Variants in GRIN2B observed in about 807,000 individuals in gnomAD.
The protein encoded by GRIN2B is glutamate ionotropic receptor NMDA type subunit 2B.
Under a neutral mutation model 114.5 loss-of-function variants are expected in GRIN2B, and 5 were observed. The ratio of observed to expected loss-of-function variants is 0.04; its 90% CI spans 0.02 to 0.09. The LOEUF (loss-of-function observed/expected upper bound fraction) is 0.09, where lower values mean the gene tolerates loss of function less well. GRIN2B is among the 10% of genes least tolerant of loss of function. The probability of loss-of-function intolerance (pLI) is 1.00; values close to 1 mark genes in which losing one functional copy is unlikely to be tolerated. For missense variants in GRIN2B, 1,108 were observed against 1,943.5 expected, an observed-to-expected ratio of 0.57 and a Z score of 8.08; for synonymous variants, 787 against 745.1, an observed-to-expected ratio of 1.06 and a Z score of -0.92.
intron 5 of GRIN2B, among the ~76,000 whole-genome samples, chr12:13,617,987 G>A (rs542415168): frequency 5.3e-5 from 8 of 152,216 alleles, no homozygotes; most frequent in Non-Finnish European, 1.2e-4. Context: ...CACAGTCCTT[G>A]TTTGGCTGAT....
At chr12:13,939,176 A>G (rs1241475670) in intron 2 of GRIN2B, among the ~76,000 whole-genome samples, 1 of 152,186 alleles carries the variant, frequency 6.6e-6, no homozygotes, top group Non-Finnish European at 1.5e-5. Context: ...TCTAGTTTTT[A>G]AAATTCTGCT....
chr12:13,759,348 C>T (rs1010991055), intron 3 of GRIN2B, among the ~76,000 whole-genome samples: 1 of 152,070 alleles, frequency 6.6e-6, no homozygotes, highest in Non-Finnish European at 1.5e-5. Context: ...ATCTACCTCA[C>T]AGAAATAAGG....
Position 13,854,895 on chromosome 12 carries a change from A to G in GRIN2B, c.411+10903T>C, listed in dbSNP as rs78012265. Among the ~76,000 whole-genome samples, 12 of 152,088 alleles carry G rather than the reference A, an allele frequency of 7.9e-5. No homozygotes were observed. The East Asian group carries it at 2.3e-3, about 29-fold the overall frequency. On this transcript the variant is annotated intron_variant, in intron 3 of 13. Transcript: ENST00000609686. Reference sequence around the variant, plus strand: ...AAGGCCTTTTCTAGGTACTTTGAACAATCTTACTTAATAACCTCAAGAAAT... The same window carrying G: ...AAGGCCTTTTCTAGGTACTTTGAACGATCTTACTTAATAACCTCAAGAAAT...
At position 13,543,403 on chromosome 12, in the gene GRIN2B, C is replaced by T. The variant is rs1253574025; in HGVS notation, c.*19380G>A. ...CATTGTTCCTCCTTCCCTAAAAATCCTCACTTTCCTCTACACCCAGCTTAG... is the reference window on the plus strand; with the variant it reads ...CATTGTTCCTCCTTCCCTAAAAATCTTCACTTTCCTCTACACCCAGCTTAG... On this transcript the variant is annotated 3_prime_UTR_variant, in exon 14 of 14. Transcript: ENST00000609686. 6.6e-6 allele frequency: 1 copy of T among 152,174 alleles called. No individual in the cohort carries two copies. The highest frequency in any genetic ancestry group is 1.5e-5 in the Non-Finnish European group (1 of 68,052). 9.4% of individuals were successfully genotyped at this position (152,174 alleles called of 1,614,324 possible).
intron 3 of GRIN2B, among the ~76,000 whole-genome samples, chr12:13,826,955 A>G (rs571969174): frequency 3.0e-4 from 45 of 151,424 alleles, no homozygotes; most frequent in African/African-American, 1.1e-3. Context: ...CTTTACATAG[A>G]TAAAAAGATA....
chr12:13,771,839 A>G (rs571053053), intron 3 of GRIN2B, among the ~76,000 whole-genome samples: 3 of 152,370 alleles, frequency 2.0e-5, no homozygotes, highest in African/African-American at 7.2e-5. Flanking sequence ...TCTAAGCATC[A>G]GTCATATCTG....
At chr12:13,731,403 T>C (rs1863084134) in intron 4 of GRIN2B, among the ~76,000 whole-genome samples, 1 of 152,068 alleles carries the variant, frequency 6.6e-6, no homozygotes. Context: ...ATCAAGACCA[T>C]CATGGCTAAC....
At chr12:13,687,392 T>C (rs1950181912) in intron 4 of GRIN2B, among the ~76,000 whole-genome samples, 2 of 152,138 alleles carry the variant, frequency 1.3e-5, no homozygotes, top group Non-Finnish European at 2.9e-5. Flanking sequence ...CCATTTTTTC[T>C]CCACTTTGAC....
At chr12:13,879,368 G>C (rs1308552283) in intron 2 of GRIN2B, among the ~76,000 whole-genome samples, 1 of 152,090 alleles carries the variant, frequency 6.6e-6, no homozygotes, top group African/African-American at 2.4e-5. Context: ...GTGCAGTAAC[G>C]ATACAGTATT....
intron 4 of GRIN2B, among the ~76,000 whole-genome samples, chr12:13,751,635 G>A (rs1199889221): frequency 6.6e-6 from 1 of 152,146 alleles, no homozygotes; most frequent in Non-Finnish European, 1.5e-5. Context: ...CTAGGAGAGG[G>A]TGGGAGACTA....
intron 3 of GRIN2B, among the ~76,000 whole-genome samples, chr12:13,820,516 C>G (rs954337437): frequency 6.6e-6 from 1 of 152,206 alleles, no homozygotes; most frequent in Non-Finnish European, 1.5e-5. Flanking sequence ...TGACAGCACG[C>G]ATTGTTCACC....
chr12:13,885,667 CTTT>C (rs369153773), intron 2 of GRIN2B, among the ~76,000 whole-genome samples: 1 of 152,120 alleles, frequency 6.6e-6, no homozygotes, highest in Non-Finnish European at 1.5e-5. Context: ...CTTAACAAGG[CTTT>C]TATGTATTGG....
At chr12:13,577,514 C>A (rs1299554571) in intron 10 of GRIN2B, among the ~76,000 whole-genome samples, 1 of 152,140 alleles carries the variant, frequency 6.6e-6, no homozygotes, top group Non-Finnish European at 1.5e-5. Context: ...TGGCTGCCAC[C>A]TCCCCGCTAG....
At chr12:13,625,919 G>C (rs1213906719) in intron 5 of GRIN2B, among the ~76,000 whole-genome samples, 1 of 152,112 alleles carries the variant, frequency 6.6e-6, no homozygotes, top group Non-Finnish European at 1.5e-5. Flanking sequence ...AATTCTTTTA[G>C]GTCAGAGAAT....
chr12:13,767,348 G>T (rs1362602038), intron 3 of GRIN2B, among the ~76,000 whole-genome samples: 1 of 149,372 alleles, frequency 6.7e-6, no homozygotes, highest in African/African-American at 2.5e-5. Flanking sequence ...CATTTAAAAA[G>T]ACGTAGATGA....
chr12:13,796,387 A>T (rs1864419482), intron 3 of GRIN2B, among the ~76,000 whole-genome samples: 1 of 152,074 alleles, frequency 6.6e-6, no homozygotes, highest in Non-Finnish European at 1.5e-5. Context: ...TTTTAGTCTC[A>T]CTTTGTGAGT....
In GRIN2B at chr12:13,967,385, A is replaced by G. The variant is rs535470057; in HGVS notation, c.-19+12543T>C. ...TTAGAGCAAAGAGTTTAAGAGTGTG[A>G]ACTTGAGCCAAAACGCCCAGTTCAA... On this transcript the variant is annotated intron_variant, in intron 2 of 13. Transcript: ENST00000609686. Among the ~76,000 whole-genome samples, 7 of 152,366 alleles carry G rather than the reference A, an allele frequency of 4.6e-5. No homozygotes were observed. The South Asian group carries it at 1.4e-3, about 32-fold the overall frequency.
At chr12:13,696,855 C>A (rs1565503969) in intron 4 of GRIN2B, among the ~76,000 whole-genome samples, 1 of 152,086 alleles carries the variant, frequency 6.6e-6, no homozygotes, top group Non-Finnish European at 1.5e-5. Flanking sequence ...TTATTGTAGG[C>A]AAAGGGTTCA....
intron 5 of GRIN2B, among the ~76,000 whole-genome samples, chr12:13,629,031 GA>G (rs201991090): frequency 1.3e-5 from 2 of 150,316 alleles, no homozygotes; most frequent in Non-Finnish European, 3.0e-5. Flanking sequence ...AGACCACAAA[GA>G]AAAAAAAAGG....
Sources: allele counts gnomAD v4.1 joint callset (sites outside exome capture counted in the v4.1 genomes callset), GRCh38; gene constraint gnomAD v4.1.1; transcripts MANE v1.5; gene names NCBI Gene and HGNC (gene_info 2026-07-23, HGNC 2026-07-21).